DDAH1: variants seen among roughly 807,000 people sequenced by gnomAD.
The protein encoded by DDAH1 is dimethylarginine dimethylaminohydrolase 1, also known as N(G),N(G)-dimethylarginine dimethylaminohydrolase 1.
A neutral mutation model predicts 28.8 loss-of-function variants in DDAH1; 19 were observed. The observed-to-expected ratio is 0.66, with a 90% CI of 0.46 to 0.97. The LOEUF (loss-of-function observed/expected upper bound fraction) is 0.97, where lower values mean the gene tolerates loss of function less well. DDAH1 is among the 50% of genes least tolerant of loss of function. The pLI is 0.00. For missense variants in DDAH1, 326 were observed against 375.9 expected, an observed-to-expected ratio of 0.87 and a Z score of 1.10; for synonymous variants, 153 against 154.4, an observed-to-expected ratio of 0.99 and a Z score of 0.07.
chr1:85,384,833 T>G (rs535079650), intron 1 of DDAH1, among the ~76,000 whole-genome samples: 1 of 152,316 alleles, frequency 6.6e-6, no homozygotes, highest in East Asian at 1.9e-4. Context: ...ATTTAGTGAT[T>G]CTTGATGATC....
chr1:85,534,526 A>G (rs1378257256), intron 1 of DDAH1, among the ~76,000 whole-genome samples: 1 of 152,156 alleles, frequency 6.6e-6, no homozygotes. Context: ...AGTTGAAATG[A>G]GAAGCCAAGA....
chr1:85,366,537 T>C (rs1323955573), intron 1 of DDAH1, among the ~76,000 whole-genome samples: 1 of 152,212 alleles, frequency 6.6e-6, no homozygotes, highest in African/African-American at 2.4e-5. Context: ...TTTCCGGCTC[T>C]AGACTTCTAA....
intron 4 of DDAH1, among the ~76,000 whole-genome samples, chr1:85,349,298 A>G (rs1397707902): frequency 6.6e-6 from 1 of 152,214 alleles, no homozygotes; most frequent in Non-Finnish European, 1.5e-5. Flanking sequence ...GGTGGAAGAA[A>G]GGCCAGGTGA....
intron 2 of DDAH1, among the ~76,000 whole-genome samples, chr1:85,477,181 G>C (rs576706349): frequency 6.6e-6 from 1 of 152,188 alleles, no homozygotes; most frequent in African/African-American, 2.4e-5. Context: ...CACAAGGTGG[G>C]AGGGAATTTA....
chr1:85,477,650 A>G (rs1655848164), intron 2 of DDAH1, among the ~76,000 whole-genome samples: 1 of 151,864 alleles, frequency 6.6e-6, no homozygotes, highest in South Asian at 2.1e-4. Context: ...GTATATGTAT[A>G]TGCATATACT....
At chr1:85,496,222 C>A in exon 2 of DDAH1, 1 of 985,294 alleles carries the variant, frequency 1.0e-6, no homozygotes, top group Non-Finnish European at 1.2e-6. Flanking sequence ...TATTTTGAAG[C>A]ATTTCCTACT....
Position 85,350,504 on chromosome 1 carries a change from C to T in DDAH1, c.508G>A (p.Asp170Asn). Residue 170 changes from aspartate to asparagine, a missense_variant, in exon 4 of 6, where the codon GAT becomes AAT. Coordinates refer to ENST00000284031, the MANE Select transcript of DDAH1 (RefSeq NM_012137.4). ...DYAVSTVPVA[D>N]GLHLKSFCSM... ...CAGAAACTCTTCAAATGCAACCCATCTGCCACTGGCACTGTGGAGACTGCA... is the reference window on the plus strand; with the variant it reads ...CAGAAACTCTTCAAATGCAACCCATTTGCCACTGGCACTGTGGAGACTGCA... 1 of 1,614,148 alleles carries T rather than the reference C, an allele frequency of 6.2e-7. No individual in the cohort carries two copies. Among genetic ancestry groups the T allele is most frequent in the East Asian group, 2.2e-5 (1 of 44,880 alleles).
intron 1 of DDAH1, among the ~76,000 whole-genome samples, chr1:85,443,543 G>GT (rs1357380856): frequency 1.3e-5 from 2 of 152,202 alleles, no homozygotes; most frequent in Non-Finnish European, 2.9e-5. Flanking sequence ...CTTTAAAGTA[G>GT]TTTTTTCCAA....
At chr1:85,522,883 T>C (rs1426767535) in intron 1 of DDAH1, among the ~76,000 whole-genome samples, 12 of 150,772 alleles carry the variant, frequency 8.0e-5, no homozygotes, top group Admixed American at 2.6e-4. Context: ...AACAACACCG[T>C]CATTTATTCA....
chr1:85,515,251 T>C (rs1403642217), intron 1 of DDAH1, among the ~76,000 whole-genome samples: 1 of 150,484 alleles, frequency 6.6e-6, no homozygotes, highest in Non-Finnish European at 1.5e-5. Flanking sequence ...CGAGTGTTTT[T>C]ATTAGACATT....
At chr1:85,377,194 G>T (rs889576948) in intron 1 of DDAH1, among the ~76,000 whole-genome samples, 1 of 152,082 alleles carries the variant, frequency 6.6e-6, no homozygotes, top group African/African-American at 2.4e-5. Context: ...TAGAACCCAA[G>T]TCCCCTTGTT....
chr1:85,546,379 G>A (rs767156053), intron 1 of DDAH1, among the ~76,000 whole-genome samples: 75 of 152,058 alleles, frequency 4.9e-4, no homozygotes, highest in Admixed American at 9.2e-4. Context: ...ATGTGACTTC[G>A]GTATTGATAT....
intron 1 of DDAH1, among the ~76,000 whole-genome samples, chr1:85,394,912 A>C (rs1651735780): frequency 6.6e-6 from 1 of 152,222 alleles, no homozygotes. Flanking sequence ...TAAAGTATAG[A>C]TACTTTGTCA....
intron 1 of DDAH1, among the ~76,000 whole-genome samples, chr1:85,372,540 A>T (rs1319460538): frequency 1.3e-5 from 2 of 152,104 alleles, no homozygotes; most frequent in African/African-American, 4.8e-5. Flanking sequence ...AAATTACTTT[A>T]AAAAATATGG....
intron 1 of DDAH1, among the ~76,000 whole-genome samples, chr1:85,434,057 A>G (rs1319904686): frequency 1.3e-5 from 2 of 152,188 alleles, no homozygotes. Context: ...AATGTAATCA[A>G]AGTGATTGAT....
chr1:85,405,863 G>C (rs1342705907), intron 1 of DDAH1, among the ~76,000 whole-genome samples: 1 of 152,156 alleles, frequency 6.6e-6, no homozygotes, highest in African/African-American at 2.4e-5. Context: ...AATGCTCTCA[G>C]CCACTCACTC....
chr1:85,563,031 G>C (rs1659184425), intron 1 of DDAH1, among the ~76,000 whole-genome samples: 1 of 152,206 alleles, frequency 6.6e-6, no homozygotes, highest in Non-Finnish European at 1.5e-5. Flanking sequence ...TGATTGCTTA[G>C]AGTGGGGAAA....
At chr1:85,462,985 T>C (rs996246820) in intron 1 of DDAH1, among the ~76,000 whole-genome samples, 1 of 152,390 alleles carries the variant, frequency 6.6e-6, no homozygotes, top group Middle Eastern at 3.4e-3. Flanking sequence ...GGTAGATTAA[T>C]ACATCTATTA....
At chr1:85,425,351 C>T (rs565881868) in intron 1 of DDAH1, among the ~76,000 whole-genome samples, 2 of 152,034 alleles carry the variant, frequency 1.3e-5, no homozygotes, top group South Asian at 4.2e-4. Flanking sequence ...AATTTGTATT[C>T]CTTTCCCCAC....
Sources: allele counts gnomAD v4.1 joint callset (sites outside exome capture counted in the v4.1 genomes callset), GRCh38; gene constraint gnomAD v4.1.1; transcripts MANE v1.5; gene names NCBI Gene and HGNC (gene_info 2026-07-23, HGNC 2026-07-21).